The following FOCAD variants were observed in gnomAD, a reference collection of about 807,000 sequenced individuals.
FOCAD encodes the protein focadhesin, also known as KIAA1797.
FOCAD carries 198 observed loss-of-function variants against 225.6 expected under a neutral mutation model. The ratio of observed to expected loss-of-function variants is 0.88; its 90% CI spans 0.78 to 0.99. The LOEUF is 0.99. Among genes scored for constraint, FOCAD ranks in the 50% least tolerant of loss-of-function variants. The probability of loss-of-function intolerance (pLI) is 0.00; values close to 1 mark genes in which losing one functional copy is unlikely to be tolerated. For synonymous variants in FOCAD, 897 were observed against 755.0 expected (o/e 1.19, Z -3.08); for missense variants, 2,713 against 2,123.6 (o/e 1.28, Z -5.46).
chr9:20,949,671 C>T lies in FOCAD; in HGVS notation c.3944C>T (p.Thr1315Ile), dbSNP rs746273414. 1 of 1,611,714 alleles carries T rather than the reference C, an allele frequency of 6.2e-7. No homozygotes were observed. Among genetic ancestry groups the T allele is most frequent in the Non-Finnish European group, 8.5e-7 (1 of 1,178,172 alleles). Residue 1315 changes from threonine (T) to isoleucine (I), a missense_variant, in exon 33 of 44, where the codon ACT becomes ATT. Coordinates refer to ENST00000338382, the MANE Select transcript of FOCAD (RefSeq NM_001375567.1). ...CTTAATGAAGTCATTAGAACCTTAA[C>T]TCAGGTGAGAAAATGAATTTAAAAT... ...GRLNEVIRTL[T>I]QVISVSGVIG...
chr9:20,890,467 A>G (rs10811422), intron 21 of FOCAD, among the ~76,000 whole-genome samples: 94,842 of 151,310 alleles, frequency 0.63, 29,932 homozygotes, highest in Admixed American at 0.71. Flanking sequence ...ATTTGTTGAT[A>G]TGATTACTTA....
At chr9:20,900,381 A>C (rs1832454327) in intron 21 of FOCAD, among the ~76,000 whole-genome samples, 1 of 151,872 alleles carries the variant, frequency 6.6e-6, no homozygotes, top group South Asian at 2.1e-4. Flanking sequence ...GTTCTAAATA[A>C]AATCTTTAGT....
chr9:20,710,988 C>G (rs1415392662), intron 1 of FOCAD, among the ~76,000 whole-genome samples: 1 of 152,142 alleles, frequency 6.6e-6, no homozygotes, highest in Non-Finnish European at 1.5e-5. Flanking sequence ...TTATGTATTG[C>G]CTATTGCTTT....
intron 5 of FOCAD, among the ~76,000 whole-genome samples, chr9:20,746,841 C>T (rs1828076555): frequency 6.6e-6 from 1 of 152,068 alleles, no homozygotes; most frequent in South Asian, 2.1e-4. Flanking sequence ...GGTTGCCATA[C>T]CTTTTTAGCC....
At position 20,971,382 on chromosome 9, in the gene FOCAD, A is replaced by G. The variant is rs118000147; in HGVS notation, c.4133-5038A>G. ...TTTCTGAATATGCATCTTCTTTTTT[A>G]AAACATTGTAGTGATAAGTACACAA... On this transcript the variant is annotated intron_variant, in intron 35 of 43. Coordinates refer to ENST00000338382, the MANE Select transcript of FOCAD (RefSeq NM_001375567.1). Among the ~76,000 whole-genome samples, 193 of 152,246 alleles carry G rather than the reference A, an allele frequency of 1.3e-3. 2 individuals carry two copies. The East Asian group carries it at 0.033, about 26-fold the overall frequency.
intron 11 of FOCAD, among the ~76,000 whole-genome samples, chr9:20,806,867 C>A (rs1822515725): frequency 6.6e-6 from 1 of 152,094 alleles, no homozygotes; most frequent in African/African-American, 2.4e-5. Flanking sequence ...TGTCATAGCA[C>A]CCAGTATAAT....
intron 25 of FOCAD, 102 bp from the exon 26 acceptor site, chr9:20,926,199 G>GC (rs1343770154): frequency 1.1e-5 from 8 of 700,168 alleles, no homozygotes; most frequent in Non-Finnish European, 2.0e-5. Flanking sequence ...TTTGATAACA[G>GC]CACTTTATTG....
At chr9:20,901,449 A>G (rs1168887949) in intron 21 of FOCAD, among the ~76,000 whole-genome samples, 5 of 151,914 alleles carry the variant, frequency 3.3e-5, no homozygotes, top group Non-Finnish European at 5.9e-5. Context: ...CAATCAAAGA[A>G]TGCCATCAAA....
At chr9:20,870,624 A>G (rs997582650) in intron 18 of FOCAD, among the ~76,000 whole-genome samples, 1 of 152,198 alleles carries the variant, frequency 6.6e-6, no homozygotes, top group Non-Finnish European at 1.5e-5. Flanking sequence ...TTGTGATGCT[A>G]GGCAACAGCA....
intron 19 of FOCAD, among the ~76,000 whole-genome samples, chr9:20,876,087 T>A (rs1265257561): frequency 2.0e-5 from 3 of 152,168 alleles, no homozygotes; most frequent in Admixed American, 2.0e-4. Context: ...TAGACAAAGC[T>A]CCTTTTACAG....
At chr9:20,981,393 A>G (rs376167488) in intron 37 of FOCAD, 33 bp from the exon 38 acceptor site, 7 of 1,607,058 alleles carry the variant, frequency 4.4e-6, no homozygotes, top group Admixed American at 1.7e-5. Flanking sequence ...AGACTTGCCT[A>G]TTTACATTCA....
chr9:20,870,625 G>A (rs1355758839), intron 18 of FOCAD, among the ~76,000 whole-genome samples: 1 of 152,176 alleles, frequency 6.6e-6, no homozygotes, highest in Non-Finnish European at 1.5e-5. Context: ...TGTGATGCTA[G>A]GCAACAGCAT....
intron 15 of FOCAD, among the ~76,000 whole-genome samples, chr9:20,832,422 A>G (rs1022935299): frequency 6.6e-6 from 1 of 151,990 alleles, no homozygotes; most frequent in Non-Finnish European, 1.5e-5. Flanking sequence ...TTGTGGGTAT[A>G]TAGTAAGTAT....
chr9:20,921,709 G>A (rs1587617465), intron 24 of FOCAD, among the ~76,000 whole-genome samples: 1 of 152,108 alleles, frequency 6.6e-6, no homozygotes, highest in Non-Finnish European at 1.5e-5. Context: ...ATTATTACCA[G>A]TGTTTTTAAA....
In FOCAD at chr9:20,929,523, T is replaced by C; in HGVS notation, c.3244T>C (p.Ser1082Pro). The change falls in exon 27 of 44, where the codon TCT (serine) becomes CCT (proline). Residue 1082 changes from serine (S) to proline (P), a missense_variant. Transcript: ENST00000338382. ...RLPGKPSADE[S>P]QAVQIHMGLA... is the part of the protein sequence containing the mutation. ...ACCTGGGAAACCAAGTGCTGATGAG[T>C]CTCAAGCCGTGCAAATCCACATGGG... 6.2e-7 allele frequency: 1 copy of C among 1,614,102 alleles called. No homozygotes were observed. The highest frequency in any genetic ancestry group is 8.5e-7 in the Non-Finnish European group (1 of 1,180,016).
At chr9:20,820,120 C>G (rs910790790) in intron 12 of FOCAD, among the ~76,000 whole-genome samples, 4 of 151,974 alleles carry the variant, frequency 2.6e-5, no homozygotes, top group African/African-American at 9.7e-5. Flanking sequence ...TTTGGCTATT[C>G]TCTGAGATTA....
chr9:20,962,770 T>G (rs1330468783), intron 35 of FOCAD, among the ~76,000 whole-genome samples: 1 of 152,206 alleles, frequency 6.6e-6, no homozygotes, highest in African/African-American at 2.4e-5. Flanking sequence ...GTTTCCAGGT[T>G]TTACAACATC....
chr9:20,811,918 T>C (rs750507064), intron 11 of FOCAD, among the ~76,000 whole-genome samples: 1 of 152,108 alleles, frequency 6.6e-6, no homozygotes, highest in Non-Finnish European at 1.5e-5. Context: ...CAAGCATATT[T>C]ATTCTTATAT....
intron 9 of FOCAD, among the ~76,000 whole-genome samples, chr9:20,780,003 A>G (rs1312400270): frequency 1.3e-5 from 2 of 152,142 alleles, no homozygotes; most frequent in Admixed American, 6.5e-5. Flanking sequence ...AGCAGTGCAC[A>G]TGGGATCTAC....
Sources: gnomAD v4.1 joint callset for allele counts (sites outside exome capture counted in the v4.1 genomes callset) on GRCh38, gnomAD v4.1.1 for gene constraint, MANE v1.5 for transcripts, NCBI Gene and HGNC (gene_info 2026-07-23, HGNC 2026-07-21) for gene names.